SYNE2: variants seen among roughly 807,000 people sequenced by gnomAD.
SYNE2 encodes nesprin-2.
In SYNE2, 431 loss-of-function variants were observed where a neutral mutation model predicts 856.3. The observed-to-expected ratio is 0.50, with a 90% CI of 0.47 to 0.55. The LOEUF is 0.55. Among genes scored for constraint, SYNE2 ranks in the 20% least tolerant of loss-of-function variants. The probability of loss-of-function intolerance (pLI) is 0.00; values close to 1 mark genes in which losing one functional copy is unlikely to be tolerated. For missense variants in SYNE2, 8,129 were observed against 8,023.2 expected, an observed-to-expected ratio of 1.01 and a Z score of -0.50; for synonymous variants, 2,923 against 2,872.3, an observed-to-expected ratio of 1.02 and a Z score of -0.56.
intron 32 of SYNE2, among the ~76,000 whole-genome samples, chr14:64,015,423 G>C (rs554465559): frequency 6.6e-6 from 1 of 152,146 alleles, no homozygotes; most frequent in East Asian, 1.9e-4. Flanking sequence ...AGTTGCAGTA[G>C]TGTTTTTCAA....
chr14:63,998,269 G>A lies in SYNE2; in HGVS notation c.3294G>A (p.Leu1098=), dbSNP rs766305428. 13 of 1,613,954 alleles carry A rather than the reference G, an allele frequency of 8.1e-6. No individual in the cohort carries two copies. The Admixed American group carries it at 1.8e-4, about 23-fold the overall frequency. The change falls in exon 26 of 116, where the codon CTG becomes CTA. Residue 1098 remains leucine (L), a synonymous_variant. Transcript: ENST00000555002. ...KFSLASVLRP[L]QEESIMEKDY... is the part of the protein sequence containing the mutation. ...GCCTGGCATCAGTGTTAAGGCCTCT[G>A]CAAGAAGAAAGCATTATGGAAAAGG...
upstream of SYNE2, among the ~76,000 whole-genome samples, chr14:63,847,989 C>T (rs533625328): frequency 4.0e-4 from 61 of 151,828 alleles, 1 homozygote; most frequent in South Asian, 6.1e-3. Context: ...GGAGTTCAAG[C>T]GATTCTCCTG....
intron 65 of SYNE2, 134 bp downstream of exon 65, chr14:64,107,741 T>C (rs142322671): frequency 1.8e-4 from 146 of 796,714 alleles, no homozygotes; most frequent in Non-Finnish European, 3.0e-4. Context: ...TATGAAGATA[T>C]GTGCTGTCAA....
At chr14:64,124,641 T>C (rs1406224658) in intron 70 of SYNE2, among the ~76,000 whole-genome samples, 2 of 152,182 alleles carry the variant, frequency 1.3e-5, no homozygotes, top group African/African-American at 4.8e-5. Context: ...AATGGCAAGA[T>C]AGACAAAAAT....
intron 1 of SYNE2, among the ~76,000 whole-genome samples, chr14:63,768,547 G>C (rs1886775266): frequency 6.6e-6 from 1 of 152,140 alleles, no homozygotes; most frequent in African/African-American, 2.4e-5. Context: ...AGATGAAAAT[G>C]TATCAGGAAA....
intron 96 of SYNE2, among the ~76,000 whole-genome samples, chr14:64,178,940 G>A (rs2098446412): frequency 2.0e-5 from 3 of 151,962 alleles, no homozygotes; most frequent in Admixed American, 2.0e-4. Context: ...AGCTGGATGT[G>A]GTGGCACTTG....
chr14:64,040,810 C>T (rs2097142901), intron 45 of SYNE2, among the ~76,000 whole-genome samples: 1 of 151,222 alleles, frequency 6.6e-6, no homozygotes, highest in African/African-American at 2.4e-5. Flanking sequence ...GGAGGAAAGG[C>T]AAAACTTAGA....
intron 2 of SYNE2, among the ~76,000 whole-genome samples, chr14:63,928,298 CT>C (rs988751631): frequency 2.0e-5 from 3 of 152,144 alleles, no homozygotes; most frequent in African/African-American, 7.2e-5. Context: ...CAGGCACGTA[CT>C]TTTTTCCCAT....
intron 70 of SYNE2, among the ~76,000 whole-genome samples, chr14:64,122,709 T>C (rs1243994140): frequency 6.6e-6 from 1 of 152,238 alleles, no homozygotes; most frequent in Non-Finnish European, 1.5e-5. Flanking sequence ...AGACAGATCA[T>C]GTCTGCCTGG....
rs775900875 is a variant in SYNE2 at position 64,170,344 on chromosome 14, C to T, written c.17117C>T (p.Thr5706Ile). 4 of 1,614,192 alleles carry T rather than the reference C, an allele frequency of 2.5e-6. No individual in the cohort carries two copies. In the South Asian group the frequency reaches 3.3e-5, roughly 13 times the overall value. ...CTGGTGAGGCAGTGGCAAGATTTCA[C>T]TACTTCTGTGGAGAACTTGTTTCGC... ...DGLVRQWQDFTTSVENLFRFL... is the reference protein window; with the variant it reads ...DGLVRQWQDFITSVENLFRFL... Residue 5706 changes from threonine (T) to isoleucine (I), a missense_variant, in exon 94 of 116, where the codon ACT becomes ATT. Around this residue, in one of 3 missense-constraint regions of SYNE2, gnomAD observed 5,410 missense variants for 5,284.8 expected, o/e 1.02. Transcript: ENST00000555002.
At chr14:64,066,652 A>G (rs764485676) in intron 51 of SYNE2, among the ~76,000 whole-genome samples, 9 of 152,218 alleles carry the variant, frequency 5.9e-5, no homozygotes, top group Non-Finnish European at 1.0e-4. Context: ...GTCTCTTGAA[A>G]TGTTAAAATA....
At chr14:64,218,340 T>A in intron 108 of SYNE2, 58 bp from the exon 109 acceptor site, 11 of 1,466,452 alleles carry the variant, frequency 7.5e-6, no homozygotes, top group Non-Finnish European at 1.0e-5. Context: ...TGAATCCAGT[T>A]GTTCTTCAGA....
rs886042494 is a variant in SYNE2, at chr14:63,995,152, A to G, written c.2890A>G (p.Lys964Glu). The change falls in exon 23 of 116, where the codon AAG becomes GAG. Residue 964 changes from lysine to glutamate, a missense_variant. Physicochemically the swap from Lys to Glu is moderately conservative, Grantham distance 56. Coordinates refer to ENST00000555002, the MANE Select transcript of SYNE2 (RefSeq NM_182914.3). ...ACTTGAAAAGCAAATAAATAAAGAAAAGAAACTTATCCGTAGAGGAAGGAC... is the reference window on the plus strand; with the variant it reads ...ACTTGAAAAGCAAATAAATAAAGAAGAGAAACTTATCCGTAGAGGAAGGAC... ...LKLEKQINKEKKLIRRGRTKG... is the reference protein window; with the variant it reads ...LKLEKQINKEEKLIRRGRTKG... 7 of 1,605,936 alleles carry G rather than the reference A, an allele frequency of 4.4e-6. No individual in the cohort carries two copies. The African/African-American group carries it at 9.4e-5, about 22-fold the overall frequency.
intron 1 of SYNE2, among the ~76,000 whole-genome samples, chr14:63,838,714 T>G (rs6573534): frequency 0.64 from 97,280 of 151,752 alleles, 31,726 homozygotes; most frequent in South Asian, 0.77. Flanking sequence ...TCACTATGTT[T>G]CCCCAGCTTG....
At chr14:64,183,679 C>A (rs1040627246) in intron 96 of SYNE2, among the ~76,000 whole-genome samples, 1 of 151,010 alleles carries the variant, frequency 6.6e-6, no homozygotes, top group East Asian at 1.9e-4. Context: ...CTCGGGAGGC[C>A]GAGGCTGGCA....
chr14:64,022,910 T>A (rs1238897137), intron 38 of SYNE2, 47 bp downstream of exon 38: 1 of 962,036 alleles, frequency 1.0e-6, no homozygotes, highest in Non-Finnish European at 1.6e-6. Context: ...AATACTAAAA[T>A]ACTGGAGGCA....
At chr14:64,018,722 C>T (rs768268992) in intron 34 of SYNE2, among the ~76,000 whole-genome samples, 8 of 152,116 alleles carry the variant, frequency 5.3e-5, no homozygotes, top group Non-Finnish European at 7.4e-5. Context: ...ATCAGCTCTC[C>T]GGCTATAGTT....
chr14:64,213,038 G>A (rs2098649453), intron 105 of SYNE2, 33 bp downstream of exon 105: 1 of 1,611,390 alleles, frequency 6.2e-7, no homozygotes, highest in Non-Finnish European at 8.5e-7. Context: ...ATGGCACCTG[G>A]GCTGCTCAGA....
chr14:64,053,401 A>G lies in SYNE2; in HGVS notation c.9488A>G (p.His3163Arg), dbSNP rs1216838783. The change falls in exon 48 of 116, where the codon CAT becomes CGT. Residue 3163 changes from histidine to arginine, a missense_variant. Transcript: ENST00000555002. The stretch of plus-strand genomic sequence containing the variant: ...CAGGACAAACTAGAAACTTCCTTAC[A>G]TGTTTTAAATCAGATAAAATCTCAA... ...NCQDKLETSL[H>R]VLNQIKSQLQ... 6 of 1,613,404 alleles carry G rather than the reference A, an allele frequency of 3.7e-6. No homozygotes were observed. The highest frequency in any genetic ancestry group is 4.5e-5 in the East Asian group (2 of 44,874).
Sources: allele counts gnomAD v4.1 joint callset (sites outside exome capture counted in the v4.1 genomes callset), GRCh38; gene constraint gnomAD v4.1.1; regional missense constraint gnomAD v4.1.1; transcripts MANE v1.5; gene names NCBI Gene and HGNC (gene_info 2026-07-23, HGNC 2026-07-21).